The following SIK3 variants were observed in gnomAD, a reference collection of about 807,000 sequenced individuals.
The protein encoded by SIK3 is SIK family kinase 3.
Under a neutral mutation model 144.2 loss-of-function variants are expected in SIK3, and 28 were observed. The observed-to-expected ratio is 0.19, with a 90% CI of 0.14 to 0.27. The LOEUF (loss-of-function observed/expected upper bound fraction) is 0.27. Ranked by LOEUF, SIK3 falls within the 10% of genes least tolerant of loss-of-function variation. The probability of loss-of-function intolerance (pLI) is 1.00; values close to 1 mark genes in which losing one functional copy is unlikely to be tolerated. For missense variants in SIK3, 1,319 were observed against 1,776.0 expected, an observed-to-expected ratio of 0.74 and a Z score of 4.62; for synonymous variants, 686 against 676.3, an observed-to-expected ratio of 1.01 and a Z score of -0.22.
chr11:116,846,112 C>A lies in SIK3; in HGVS notation c.*13+271G>T, dbSNP rs1316559303. Among the ~76,000 whole-genome samples the A allele has an allele frequency of 6.6e-6, 1 of 152,244 alleles. No individual in the cohort carries two copies. The highest frequency in any genetic ancestry group is 1.5e-5 in the Non-Finnish European group (1 of 68,050). ...TTCTGTCGCTATGAAGGCTAGAGCA[C>A]CTGTAACACACGGCGAGTCTTGTGT... On this transcript the variant is annotated intron_variant, in intron 24 of 24. Coordinates refer to ENST00000445177, the MANE Select transcript of SIK3 (RefSeq NM_001366686.3). This position sits in a 1 kb window ranked among gnomAD's most constrained non-coding sequence, Gnocchi z 4.1.
intron 1 of SIK3, among the ~76,000 whole-genome samples, chr11:117,073,075 C>T (rs1389143715): frequency 6.6e-6 from 1 of 152,128 alleles, no homozygotes; most frequent in Non-Finnish European, 1.5e-5. Flanking sequence ...CTGGCTACTA[C>T]CAGCTACAGT....
intron 4 of SIK3, among the ~76,000 whole-genome samples, chr11:116,908,997 T>C (rs923143817): frequency 2.0e-5 from 3 of 152,156 alleles, no homozygotes; most frequent in African/African-American, 4.8e-5. Context: ...CTGAAAGCAA[T>C]AGGGGCTTCT....
At position 116,861,913 on chromosome 11, in the gene SIK3, G is replaced by A. The variant is rs1943351881; in HGVS notation, c.2243C>T (p.Pro748Leu). 5.6e-6 allele frequency: 9 copies of A among 1,609,862 alleles called. No homozygotes were observed. In the East Asian group the frequency reaches 1.8e-4, roughly 32 times the overall value. ...LQQQIQDSIC[P>L]PQPSPPLQAA... ...CTGAAGAGGTGGAGATGGCTGAGGAGGACAGATAGAGTCCTAAAACATATA... is the reference window on the plus strand; with the variant it reads ...CTGAAGAGGTGGAGATGGCTGAGGAAGACAGATAGAGTCCTAAAACATATA... The change falls in exon 18 of 25, where the codon CCT (proline) becomes CTT (leucine). Residue 748 changes from proline to leucine, a missense_variant. Around this residue, in one of 8 missense-constraint regions of SIK3, gnomAD observed 77 missense variants for 141.9 expected, o/e 0.54. Coordinates refer to ENST00000445177, the MANE Select transcript of SIK3 (RefSeq NM_001366686.3).
chr11:117,010,920 G>T (rs1688415006), intron 1 of SIK3, among the ~76,000 whole-genome samples: 1 of 152,152 alleles, frequency 6.6e-6, no homozygotes, highest in African/African-American at 2.4e-5. Flanking sequence ...TGAAGTTCGA[G>T]ACCAGCCTGG....
At chr11:117,035,429 T>G (rs1288072545) in intron 1 of SIK3, among the ~76,000 whole-genome samples, 1 of 152,268 alleles carries the variant, frequency 6.6e-6, no homozygotes, top group Non-Finnish European at 1.5e-5. Context: ...TATTAAACAT[T>G]AATGATTCTA....
At chr11:116,929,553 C>T (rs957263369) in intron 3 of SIK3, among the ~76,000 whole-genome samples, 7 of 152,180 alleles carry the variant, frequency 4.6e-5, no homozygotes, top group East Asian at 1.9e-4. Flanking sequence ...AACTGTTATA[C>T]GGGCCAGAAG....
At chr11:117,002,745 CT>C (rs1364860187) in intron 1 of SIK3, among the ~76,000 whole-genome samples, 20 of 152,252 alleles carry the variant, frequency 1.3e-4, no homozygotes, top group African/African-American at 4.6e-4. Flanking sequence ...ACTAGCAGTT[CT>C]TTTATAGAGA....
intron 1 of SIK3, among the ~76,000 whole-genome samples, chr11:117,018,845 G>A (rs1323818300): frequency 6.6e-6 from 1 of 151,728 alleles, no homozygotes; most frequent in Non-Finnish European, 1.5e-5. Flanking sequence ...CTGAGTAGCT[G>A]GAATTACAGG....
At chr11:117,096,741 G>A (rs1955491674) in intron 1 of SIK3, among the ~76,000 whole-genome samples, 1 of 152,142 alleles carries the variant, frequency 6.6e-6, no homozygotes. Flanking sequence ...GTAGCCTCAG[G>A]CAGAAAGATG....
intron 1 of SIK3, among the ~76,000 whole-genome samples, chr11:116,996,833 A>G (rs1950686858): frequency 6.7e-6 from 1 of 149,732 alleles, no homozygotes; most frequent in South Asian, 2.1e-4. Context: ...AAAAAAAAAA[A>G]AAAAAAAAAA....
At chr11:117,079,887 G>GTT in intron 1 of SIK3, among the ~76,000 whole-genome samples, 1 of 152,002 alleles carries the variant, frequency 6.6e-6, no homozygotes, top group Non-Finnish European at 1.5e-5. Context: ...AGCTATTACA[G>GTT]GCCAGGCACA....
chr11:117,068,663 A>C (rs371041429), intron 1 of SIK3, among the ~76,000 whole-genome samples: 2 of 152,214 alleles, frequency 1.3e-5, no homozygotes, highest in Admixed American at 6.5e-5. Context: ...CAGGAGGCTG[A>C]GGCTGCAGCG....
At chr11:117,014,547 G>C (rs1454802656) in intron 1 of SIK3, among the ~76,000 whole-genome samples, 1 of 151,720 alleles carries the variant, frequency 6.6e-6, no homozygotes, top group South Asian at 2.1e-4. Context: ...AGCTACAGAG[G>C]GGAAAAAAGA....
intron 6 of SIK3, among the ~76,000 whole-genome samples, chr11:116,885,674 A>G (rs1281144231): frequency 1.3e-5 from 2 of 152,210 alleles, no homozygotes; most frequent in East Asian, 1.9e-4. Context: ...GCAGACAAAT[A>G]TATCCATTCT....
Position 117,063,579 on chromosome 11 carries a change from G to A in SIK3, c.273+34564C>T, listed in dbSNP as rs796995851. Among the ~76,000 whole-genome samples the A allele has an allele frequency of 1.1e-4, 17 of 150,030 alleles. 1 individual carries two copies. The highest frequency in any genetic ancestry group is 4.2e-4 in the African/African-American group (17 of 40,928). On this transcript the variant is annotated intron_variant, in intron 1 of 24. Coordinates refer to ENST00000445177, the MANE Select transcript of SIK3 (RefSeq NM_001366686.3). ...CATACCCAGGCTTTAACTTCTTAAT[G>A]AAGTTTCTTTTTTTTTTTTTTTTTT...
In SIK3 at chr11:116,846,410, G is replaced by C. The variant is rs1475427176; in HGVS notation, c.4096C>G (p.Gln1366Glu). ...KHPEVSFSME[Q>E]AGV ...TCTGTTTCTTGTTACACGCCTGCCT[G>C]CTCCATGCTGAAGGAGACTTCGGGG... The change falls in exon 24 of 25, where the codon CAG becomes GAG. Residue 1366 changes from glutamine (Q) to glutamate (E), a missense_variant. By Grantham distance (29) the Gln-to-Glu change is conservative (BLOSUM62 2). Transcript: ENST00000445177. This position sits in a 1 kb window ranked among gnomAD's most constrained non-coding sequence, Gnocchi z 4.1. The C allele has an allele frequency of 1.2e-6, 2 of 1,614,166 alleles. No individual in the cohort carries two copies. Among genetic ancestry groups the C allele is most frequent in the South Asian group, 2.2e-5 (2 of 91,080 alleles).
chr11:117,076,238 G>A (rs946911540), intron 1 of SIK3, among the ~76,000 whole-genome samples: 3 of 151,964 alleles, frequency 2.0e-5, no homozygotes, highest in African/African-American at 7.2e-5. Flanking sequence ...CTACCTTCAG[G>A]GCCTGTTGAG....
At chr11:116,987,175 T>C (rs554874018) in intron 1 of SIK3, among the ~76,000 whole-genome samples, 1 of 152,286 alleles carries the variant, frequency 6.6e-6, no homozygotes, top group South Asian at 2.1e-4. Flanking sequence ...GACACTCCAA[T>C]ATGACCCCTC....
chr11:116,853,288 A>T (rs931843029), intron 21 of SIK3, among the ~76,000 whole-genome samples: 2 of 152,214 alleles, frequency 1.3e-5, no homozygotes, highest in Non-Finnish European at 2.9e-5. Flanking sequence ...GGGGGGTACA[A>T]ACAGACTAAC....
Sources: allele counts gnomAD v4.1 joint callset (sites outside exome capture counted in the v4.1 genomes callset), GRCh38; gene constraint gnomAD v4.1.1; regional missense constraint gnomAD v4.1.1; non-coding constraint Gnocchi (gnomAD v3.1); transcripts MANE v1.5; gene names NCBI Gene and HGNC (gene_info 2026-07-23, HGNC 2026-07-21).